NBAS: variants seen among roughly 807,000 people sequenced by gnomAD.
NBAS encodes the protein NBAS subunit of NRZ tethering complex.
NBAS carries 219 observed loss-of-function variants against 302.5 expected under a neutral mutation model. The ratio of observed to expected loss-of-function variants is 0.72; its 90% CI spans 0.65 to 0.81. The LOEUF (loss-of-function observed/expected upper bound fraction) is 0.81, where lower values mean the gene tolerates loss of function less well. NBAS is among the 30% of genes least tolerant of loss of function. NBAS has a pLI of 0.00. For synonymous variants in NBAS, 1,118 were observed against 1,021.6 expected, an observed-to-expected ratio of 1.09 and a Z score of -1.80; for missense variants, 2,932 against 2,841.6, an observed-to-expected ratio of 1.03 and a Z score of -0.72.
chr2:15,286,751 A>G (rs1363280854), intron 42 of NBAS, among the ~76,000 whole-genome samples: 1 of 152,224 alleles, frequency 6.6e-6, no homozygotes, highest in Non-Finnish European at 1.5e-5. Context: ...TGCCTATGTC[A>G]TTATTCAATT....
At chr2:15,046,854 C>T in the NBAS span, among the ~76,000 whole-genome samples, 27 of 152,150 alleles carry the variant, frequency 1.8e-4, no homozygotes, top group Non-Finnish European at 3.1e-4. Context: ...CTTCAAGGGT[C>T]GGTTTCAGAG....
the NBAS span, among the ~76,000 whole-genome samples, chr2:15,076,754 C>T: frequency 7.1e-6 from 1 of 141,370 alleles, no homozygotes; most frequent in South Asian, 2.3e-4. Flanking sequence ...TGTTCAAGGC[C>T]AACAGCTGTG....
intron 50 of NBAS, among the ~76,000 whole-genome samples, chr2:15,184,582 C>T (rs750195930): frequency 2.0e-5 from 3 of 152,198 alleles, no homozygotes; most frequent in East Asian, 3.9e-4. Context: ...ACCACTGATA[C>T]GACAGGAGGT....
At chr2:15,257,302 C>A (rs912193589) in intron 44 of NBAS, among the ~76,000 whole-genome samples, 2 of 151,944 alleles carry the variant, frequency 1.3e-5, no homozygotes, top group Non-Finnish European at 2.9e-5. Flanking sequence ...TCCACCTCCT[C>A]TGGGTTTTCT....
the NBAS span, among the ~76,000 whole-genome samples, chr2:14,802,586 A>G: frequency 1.3e-5 from 2 of 151,956 alleles, no homozygotes; most frequent in African/African-American, 4.8e-5. Flanking sequence ...AGACACATGC[A>G]CACGTATGTT....
At chr2:14,878,060 CACTA>C in the NBAS span, among the ~76,000 whole-genome samples, 3 of 152,164 alleles carry the variant, frequency 2.0e-5, no homozygotes, top group Non-Finnish European at 4.4e-5. Context: ...TGGGTAAAAG[CACTA>C]ACTATTGTTC....
intron 35 of NBAS, 111 bp from the exon 36 acceptor site, chr2:15,330,876 C>T (rs59716943): frequency 0.015 from 17,895 of 1,205,092 alleles, 367 homozygotes; most frequent in East Asian, 0.092. Flanking sequence ...TGAAGACAGA[C>T]ACATTTAAAA....
chr2:14,999,721 G>T, the NBAS span, among the ~76,000 whole-genome samples: 1 of 152,212 alleles, frequency 6.6e-6, no homozygotes, highest in East Asian at 1.9e-4. Flanking sequence ...CCCAGTCTTA[G>T]GTAGTTCTTC....
chr2:15,350,446 G>C (rs920214935), intron 35 of NBAS, among the ~76,000 whole-genome samples: 1 of 152,114 alleles, frequency 6.6e-6, no homozygotes, highest in Non-Finnish European at 1.5e-5. Flanking sequence ...TGTCTAGCTG[G>C]GATGTCAGAA....
chr2:15,394,809 A>G lies in NBAS; in HGVS notation c.3135-460T>C, dbSNP rs564510545. Among the ~76,000 whole-genome samples the G allele has an allele frequency of 2.0e-5, 3 of 152,228 alleles. No homozygotes were observed. In the South Asian group the frequency reaches 6.2e-4, roughly 32 times the overall value. ...CAGGCTCATTCTCTGTCAAGAATCC[A>G]TTTTATAAATATACAAGATATGTCA... On this transcript the variant is annotated intron_variant, in intron 27 of 51. Transcript: ENST00000281513.
At chr2:15,374,560 T>A in intron 31 of NBAS, 48 bp downstream of exon 31, 3 of 1,476,182 alleles carry the variant, frequency 2.0e-6, no homozygotes, top group Non-Finnish European at 2.8e-6. Flanking sequence ...ACTAGTAAAT[T>A]GCTGCAATAT....
At chr2:15,560,135 T>C (rs888307655) in intron 1 of NBAS, among the ~76,000 whole-genome samples, 3 of 152,166 alleles carry the variant, frequency 2.0e-5, no homozygotes, top group Non-Finnish European at 4.4e-5. Flanking sequence ...CTGGACTACA[T>C]AATCTTTAAT....
the NBAS span, among the ~76,000 whole-genome samples, chr2:15,025,856 C>G: frequency 2.6e-5 from 4 of 152,084 alleles, no homozygotes; most frequent in Non-Finnish European, 5.9e-5. Context: ...GCTCAAGTAG[C>G]GTTTGAGCAG....
the NBAS span, among the ~76,000 whole-genome samples, chr2:14,797,094 CAAAA>C: frequency 8.8e-5 from 8 of 91,174 alleles, no homozygotes; most frequent in South Asian, 4.2e-4. Flanking sequence ...GACTCCGTCT[CAAAA>C]AAAAAAAAAA....
the NBAS span, among the ~76,000 whole-genome samples, chr2:14,792,030 C>G: frequency 6.6e-6 from 1 of 151,978 alleles, no homozygotes; most frequent in Admixed American, 6.6e-5. Context: ...TACCACATCT[C>G]TCCCTAGTGG....
At chr2:15,341,697 C>G (rs965388421) in intron 35 of NBAS, among the ~76,000 whole-genome samples, 1 of 151,914 alleles carries the variant, frequency 6.6e-6, no homozygotes, top group African/African-American at 2.4e-5. Flanking sequence ...AAAGAGGAAG[C>G]GACTAGTATA....
intron 45 of NBAS, among the ~76,000 whole-genome samples, chr2:15,237,086 C>T (rs1667628803): frequency 6.6e-6 from 1 of 152,048 alleles, no homozygotes; most frequent in Non-Finnish European, 1.5e-5. Context: ...GGTTAACGGC[C>T]ACTTACAAGG....
At chr2:14,907,135 G>A in the NBAS span, among the ~76,000 whole-genome samples, 1 of 152,174 alleles carries the variant, frequency 6.6e-6, no homozygotes, top group African/African-American at 2.4e-5. Context: ...GCTGCTGTGG[G>A]GTAGAAAGGA....
intron 40 of NBAS, among the ~76,000 whole-genome samples, chr2:15,302,637 GGAAGAGACAATTT>G (rs1455076146): frequency 1.3e-5 from 2 of 152,128 alleles, no homozygotes; most frequent in Non-Finnish European, 2.9e-5. Context: ...CACTTTCAAA[GGAAGAGACAATTT>G]GATAGATGTG....
Sources: allele counts gnomAD v4.1 joint callset (sites outside exome capture counted in the v4.1 genomes callset), GRCh38; gene constraint gnomAD v4.1.1; transcripts MANE v1.5; gene names NCBI Gene and HGNC (gene_info 2026-07-23, HGNC 2026-07-21).